The following ZFHX4 variants were observed in gnomAD, a reference collection of about 807,000 sequenced individuals.
ZFHX4 encodes zinc finger homeobox 4, also known as zinc finger homeobox protein 4.
A neutral mutation model predicts 267.6 loss-of-function variants in ZFHX4; 56 were observed. That is an observed-to-expected ratio of 0.21 (90% confidence interval 0.17 to 0.26). ZFHX4 has a LOEUF of 0.26. Ranked by LOEUF, ZFHX4 falls within the 10% of genes least tolerant of loss-of-function variation. The pLI, the probability that ZFHX4 is intolerant of heterozygous loss-of-function variation, is 1.00. For missense variants in ZFHX4, 4,332 were observed against 4,420.0 expected (o/e 0.98, Z 0.56); for synonymous variants, 1,778 against 1,665.6 (o/e 1.07, Z -1.64).
chr8:76,834,096 A>G (rs1210106286), intron 5 of ZFHX4: 2 of 446,790 alleles, frequency 4.5e-6, no homozygotes, highest in Middle Eastern at 4.7e-4. Context: ...TAATATATAT[A>G]TATCATTGTC....
intron 4 of ZFHX4, among the ~76,000 whole-genome samples, chr8:76,804,571 T>C (rs1811200608): frequency 1.3e-5 from 2 of 152,140 alleles, no homozygotes; most frequent in South Asian, 4.1e-4. Context: ...CATTTTTCAC[T>C]GGCTTTTCAA....
Position 76,704,898 on chromosome 8 carries a change from C to A in ZFHX4, c.810C>A (p.Ser270Arg), listed in dbSNP as rs369214100. The A allele has an allele frequency of 7.4e-6, 12 of 1,614,010 alleles. No homozygotes were observed. Among genetic ancestry groups the A allele is most frequent in the African/African-American group, 2.7e-5 (2 of 74,928 alleles). ...VDLSKFDGCV[S>R]DGKRKPVLMC... The stretch of plus-strand genomic sequence containing the variant: ...TGTCCAAATTCGATGGTTGTGTTAG[C>A]GATGGGAAAAGGAAACCTGTTTTAA... The change falls in exon 2 of 11, where the codon AGC (serine) becomes AGA (arginine). Residue 270 changes from serine to arginine, a missense_variant. Transcript: ENST00000651372.
intron 10 of ZFHX4, among the ~76,000 whole-genome samples, chr8:76,856,712 C>A (rs763785473): frequency 8.5e-5 from 13 of 152,086 alleles, no homozygotes; most frequent in Non-Finnish European, 1.5e-5. Context: ...TATGTTCTTT[C>A]CAAGGGATGG....
At chr8:76,847,192 A>G (rs1812385590) in intron 6 of ZFHX4, among the ~76,000 whole-genome samples, 1 of 152,158 alleles carries the variant, frequency 6.6e-6, no homozygotes, top group Non-Finnish European at 1.5e-5. Flanking sequence ...GTTTTTTAAC[A>G]CTTCTAAAAC....
At chr8:76,846,476 G>A (rs1812367737) in intron 6 of ZFHX4, among the ~76,000 whole-genome samples, 3 of 152,020 alleles carry the variant, frequency 2.0e-5, no homozygotes, top group Non-Finnish European at 4.4e-5. Flanking sequence ...ACGCATAACT[G>A]TATTGAATAC....
At chr8:76,721,652 C>T (rs952083556) in intron 3 of ZFHX4, among the ~76,000 whole-genome samples, 3 of 152,074 alleles carry the variant, frequency 2.0e-5, no homozygotes, top group African/African-American at 7.2e-5. Context: ...TCCTTTGTAT[C>T]ATTTAGAGAA....
chr8:76,776,686 A>C (rs1810408666), intron 3 of ZFHX4, among the ~76,000 whole-genome samples: 1 of 152,198 alleles, frequency 6.6e-6, no homozygotes, highest in Non-Finnish European at 1.5e-5. Context: ...AACTTACATG[A>C]GCTACGCTGC....
intron 1 of ZFHX4, among the ~76,000 whole-genome samples, chr8:76,681,829 C>T (rs1439995603): frequency 6.6e-6 from 1 of 152,094 alleles, no homozygotes; most frequent in African/African-American, 2.4e-5. Flanking sequence ...CGCTCTGCCC[C>T]CCTTTTCTAT....
chr8:76,785,950 A>G (rs143097037), intron 4 of ZFHX4, among the ~76,000 whole-genome samples: 169 of 152,308 alleles, frequency 1.1e-3, no homozygotes, highest in African/African-American at 3.9e-3. Context: ...TTCACTAAAT[A>G]TAATAACAAA....
intron 3 of ZFHX4, among the ~76,000 whole-genome samples, chr8:76,738,162 T>C (rs1057440978): frequency 1.3e-5 from 2 of 152,048 alleles, no homozygotes; most frequent in Non-Finnish European, 2.9e-5. Flanking sequence ...TATCCAAAAT[T>C]TTGTTTTGCT....
chr8:76,826,605 G>T (rs1811790899), intron 4 of ZFHX4, among the ~76,000 whole-genome samples: 1 of 152,138 alleles, frequency 6.6e-6, no homozygotes, highest in Non-Finnish European at 1.5e-5. Context: ...CATGAAAAGA[G>T]AAATATTGTA....
In ZFHX4 at chr8:76,705,817, A is replaced by G. The variant is rs746032378; in HGVS notation, c.1729A>G (p.Ile577Val). 5.6e-6 allele frequency: 9 copies of G among 1,613,930 alleles called. No homozygotes were observed. The highest frequency in any genetic ancestry group is 6.8e-6 in the Non-Finnish European group (8 of 1,179,878). ...DSATAAHPSE[I>V]ARGDEDSSAT... The stretch of plus-strand genomic sequence containing the variant: ...TGCCACAGCTGCTCATCCAAGTGAA[A>G]TAGCCCGGGGAGACGAAGACAGTTC... Residue 577 changes from isoleucine to valine, a missense_variant, in exon 2 of 11, where the codon ATA (isoleucine) becomes GTA (valine). Around this residue, in one of 7 missense-constraint regions of ZFHX4, gnomAD observed 1,195 missense variants for 1,173.6 expected, o/e 1.02. Transcript: ENST00000651372.
At chr8:76,821,932 TA>T in intron 4 of ZFHX4, among the ~76,000 whole-genome samples, 1 of 151,910 alleles carries the variant, frequency 6.6e-6, no homozygotes, top group East Asian at 1.9e-4. Flanking sequence ...AAACTTAAAC[TA>T]CCATTAATGC....
At chr8:76,846,049 C>T (rs914168502) in intron 6 of ZFHX4, among the ~76,000 whole-genome samples, 22 of 151,916 alleles carry the variant, frequency 1.4e-4, no homozygotes, top group African/African-American at 5.3e-4. Flanking sequence ...TAAAACCTTC[C>T]TCAAATTAAT....
At chr8:76,687,515 G>A (rs985580635) in intron 1 of ZFHX4, among the ~76,000 whole-genome samples, 2 of 152,168 alleles carry the variant, frequency 1.3e-5, no homozygotes, top group African/African-American at 2.4e-5. Context: ...AGACCAGAGT[G>A]AGTCTCATTC....
intron 10 of ZFHX4, among the ~76,000 whole-genome samples, chr8:76,859,285 G>A (rs554338367): frequency 1.3e-5 from 2 of 151,952 alleles, no homozygotes; most frequent in Non-Finnish European, 1.5e-5. Context: ...CCTAAACAGT[G>A]GCCAGCCCTG....
At chr8:76,726,440 C>T (rs374895358) in intron 3 of ZFHX4, among the ~76,000 whole-genome samples, 21 of 152,004 alleles carry the variant, frequency 1.4e-4, no homozygotes, top group Non-Finnish European at 4.4e-5. Flanking sequence ...TCAAGAGGCC[C>T]ATAACTTGGG....
chr8:76,710,345 A>G (rs1188922784), intron 3 of ZFHX4, among the ~76,000 whole-genome samples: 1 of 152,218 alleles, frequency 6.6e-6, no homozygotes, highest in African/African-American at 2.4e-5. Flanking sequence ...CTCTAAACTG[A>G]TTTCAGAAAC....
intron 3 of ZFHX4, among the ~76,000 whole-genome samples, chr8:76,734,244 T>C (rs943717063): frequency 2.6e-5 from 4 of 152,176 alleles, no homozygotes; most frequent in Admixed American, 2.6e-4. Context: ...CATGAGAGCC[T>C]GGTGATGAGG....
Sources: gnomAD v4.1 joint callset for allele counts (sites outside exome capture counted in the v4.1 genomes callset) on GRCh38, gnomAD v4.1.1 for gene constraint, gnomAD v4.1.1 regional missense constraint, MANE v1.5 for transcripts, NCBI Gene and HGNC (gene_info 2026-07-23, HGNC 2026-07-21) for gene names.